IGF2R: variants seen among roughly 807,000 people sequenced by gnomAD.
The protein encoded by IGF2R is insulin like growth factor 2 receptor.
A neutral mutation model predicts 270.6 loss-of-function variants in IGF2R; 91 were observed. The ratio of observed to expected loss-of-function variants is 0.34; its 90% CI spans 0.28 to 0.40. IGF2R has a LOEUF of 0.40. Among genes scored for constraint, IGF2R ranks in the 10% least tolerant of loss-of-function variants. The pLI is 1.00. For synonymous variants in IGF2R, 1,316 were observed against 1,258.9 expected (o/e 1.05, Z -0.96); for missense variants, 2,805 against 3,188.3 (o/e 0.88, Z 2.90).
Position 160,061,579 on chromosome 6 carries a change from C to T in IGF2R, c.3339C>T (p.Val1113=), listed in dbSNP as rs754427180. 49 of 1,613,896 alleles carry T rather than the reference C, an allele frequency of 3.0e-5. No homozygotes were observed. The highest frequency in any genetic ancestry group is 2.2e-4 in the South Asian group (20 of 91,086). ...RKPWTAVDTS[V]DGRKRTFYLS... is the part of the protein sequence containing the mutation. ...CTTGGACGGCTGTTGACACCTCTGTCGATGGGAGAAAGAGGACTTTCTATT... is the reference window on the plus strand; with the variant it reads ...CTTGGACGGCTGTTGACACCTCTGTTGATGGGAGAAAGAGGACTTTCTATT... The change falls in exon 24 of 48, where the codon GTC becomes GTT. Residue 1113 remains valine, a synonymous_variant. Coordinates refer to ENST00000356956, the MANE Select transcript of IGF2R (RefSeq NM_000876.4).
At position 160,102,411 on chromosome 6, in the gene IGF2R, G is replaced by A; in HGVS notation, c.6843-108G>A. On this transcript the variant is annotated intron_variant, in intron 45 of 47. Coordinates refer to ENST00000356956, the MANE Select transcript of IGF2R (RefSeq NM_000876.4). This position sits in a 1 kb window ranked among gnomAD's most constrained non-coding sequence, Gnocchi z 4.5. ...TGGGCAGGAGTAAGAATCACATGGT[G>A]TTGGGAAAGTCAGAGCTGCTCTTGC... The A allele has an allele frequency of 9.8e-6, 12 of 1,218,908 alleles. No individual in the cohort carries two copies. The highest frequency in any genetic ancestry group is 1.4e-5 in the Non-Finnish European group (12 of 848,778). 75.5% of individuals were successfully genotyped at this position (1,218,908 alleles called of 1,614,324 possible).
chr6:159,991,091 A>G, intron 1 of IGF2R, 93 bp from the exon 2 acceptor site: 2 of 1,198,608 alleles, frequency 1.7e-6, no homozygotes, highest in Non-Finnish European at 2.3e-6. Context: ...AGTTTGTGGC[A>G]GTTTTAAGCA....
rs1046360160 is a variant in IGF2R at position 159,998,020 on chromosome 6, C to G, written c.289+6697C>G. 1.3e-5 allele frequency among the ~76,000 whole-genome samples: 2 copies of G among 152,140 alleles called. No individual in the cohort carries two copies. The highest frequency in any genetic ancestry group is 2.9e-5 in the Non-Finnish European group (2 of 68,040). On this transcript the variant is annotated intron_variant, in intron 2 of 47. Coordinates refer to ENST00000356956, the MANE Select transcript of IGF2R (RefSeq NM_000876.4). This position sits in a 1 kb window ranked among gnomAD's most constrained non-coding sequence, Gnocchi z 4.1. ...GGGATTTGAGGCCTGGGATTGAGAT[C>G]TGAGAAAGCACTAGATTGTTGTGAA...
chr6:160,074,433 C>T (rs1243956941), intron 35 of IGF2R, among the ~76,000 whole-genome samples: 1 of 152,202 alleles, frequency 6.6e-6, no homozygotes, highest in East Asian at 1.9e-4. Context: ...GCCTTAAAAG[C>T]TTTGGTTTTA....
At chr6:159,991,960 T>C (rs1485528337) in intron 2 of IGF2R, among the ~76,000 whole-genome samples, 1 of 151,800 alleles carries the variant, frequency 6.6e-6, no homozygotes, top group Non-Finnish European at 1.5e-5. Flanking sequence ...TTACATAGAG[T>C]GGAGTCAGGG....
intron 22 of IGF2R, 61 bp downstream of exon 22, chr6:160,059,159 C>T (rs1778377525): frequency 2.1e-6 from 3 of 1,405,508 alleles, no homozygotes; most frequent in Non-Finnish European, 3.0e-6. Flanking sequence ...TGTGGCTGGC[C>T]ATGCACCTTC....
chr6:160,033,206 G>A (rs971679545), intron 9 of IGF2R, 99 bp downstream of exon 9: 16 of 775,440 alleles, frequency 2.1e-5, no homozygotes, highest in Non-Finnish European at 2.7e-5. Context: ...GTGCAATCTC[G>A]GTGCATTGCA....
At position 160,069,853 on chromosome 6, in the gene IGF2R, T is replaced by C. The variant is rs777896817; in HGVS notation, c.4253-15T>C. The C allele has an allele frequency of 1.2e-6, 2 of 1,611,198 alleles. No homozygotes were observed. Among genetic ancestry groups the C allele is most frequent in the Non-Finnish European group, 1.7e-6 (2 of 1,178,154 alleles). On this transcript the variant is annotated splice_polypyrimidine_tract_variant and intron_variant, in intron 30 of 47. Transcript: ENST00000356956. ...AGTCACTAAAGGCAACTCTTTCTTG[T>C]GTCTGGTGCTGCAGAGCCGTGCCCT...
intron 1 of IGF2R, among the ~76,000 whole-genome samples, chr6:159,982,595 G>A (rs999369854): frequency 1.3e-5 from 2 of 152,298 alleles, no homozygotes; most frequent in East Asian, 3.9e-4. Flanking sequence ...ATTCACACGT[G>A]CCTACTTTTA....
intron 22 of IGF2R, among the ~76,000 whole-genome samples, chr6:160,059,909 C>T (rs1245906366): frequency 6.6e-6 from 1 of 152,244 alleles, no homozygotes; most frequent in Non-Finnish European, 1.5e-5. Context: ...AGTATTTGTT[C>T]AATAAGCCAA....
At chr6:160,046,012 C>G (rs1284435597) in intron 14 of IGF2R, 130 bp downstream of exon 14, 3 of 708,388 alleles carry the variant, frequency 4.2e-6, no homozygotes, top group African/African-American at 3.7e-5. Context: ...GAACAAAATT[C>G]TGAACATCCG....
rs184823139 is a variant in IGF2R, at chr6:160,092,642, A to G, written c.6655+2539A>G. Among the ~76,000 whole-genome samples the G allele has an allele frequency of 2.2e-4, 34 of 152,282 alleles. 1 individual carries two copies. The East Asian group carries it at 6.2e-3, about 28-fold the overall frequency. ...CGGGAGGGCAGAGCTGTCTCTCATCAGGACGTGGAGCTGCTGGGCGGTTTG... is the reference window on the plus strand; with the variant it reads ...CGGGAGGGCAGAGCTGTCTCTCATCGGGACGTGGAGCTGCTGGGCGGTTTG... On this transcript the variant is annotated intron_variant, in intron 44 of 47. Transcript: ENST00000356956.
chr6:160,024,246 G>C (rs1777502175), intron 4 of IGF2R, among the ~76,000 whole-genome samples: 1 of 152,150 alleles, frequency 6.6e-6, no homozygotes, highest in African/African-American at 2.4e-5. Flanking sequence ...ATAGCTAGGG[G>C]AATGTAGGGA....
intron 29 of IGF2R, among the ~76,000 whole-genome samples, chr6:160,066,228 G>T (rs1246402011): frequency 6.6e-6 from 1 of 151,974 alleles, no homozygotes; most frequent in Non-Finnish European, 1.5e-5. Context: ...TGTTGGCCAG[G>T]CTGGTCTCGA....
chr6:160,061,229 T>G (rs1778432396), intron 23 of IGF2R, among the ~76,000 whole-genome samples: 1 of 152,192 alleles, frequency 6.6e-6, no homozygotes, highest in African/African-American at 2.4e-5. Flanking sequence ...CAGGCTGGCC[T>G]TGAACTCCTG....
intron 39 of IGF2R, 60 bp from the exon 40 acceptor site, chr6:160,083,890 C>T: frequency 1.8e-6 from 2 of 1,140,970 alleles, no homozygotes; most frequent in East Asian, 2.3e-5. Context: ...CTTATGTCTT[C>T]CCTTTCTGCA....
chr6:160,012,761 ATATTTTTTTTTTTT>A (rs1416269551), intron 4 of IGF2R, among the ~76,000 whole-genome samples: 4 of 72,598 alleles, frequency 5.5e-5, no homozygotes, highest in African/African-American at 2.0e-4. Flanking sequence ...ATATATATAT[ATATTTTTTTTTTTT>A]TTTGTTTGTT....
chr6:160,042,431 A>T (rs1036585149), intron 11 of IGF2R, among the ~76,000 whole-genome samples: 3 of 151,832 alleles, frequency 2.0e-5, no homozygotes, highest in Non-Finnish European at 1.5e-5. Context: ...TTATATCTTT[A>T]CCTCCTCCTT....
intron 7 of IGF2R, 125 bp downstream of exon 7, chr6:160,029,780 A>G: frequency 3.1e-6 from 2 of 654,900 alleles, no homozygotes; most frequent in Non-Finnish European, 5.5e-6. Flanking sequence ...TGACAGAGGC[A>G]CTGGTGGGTT....
Sources: gnomAD v4.1 joint callset for allele counts (sites outside exome capture counted in the v4.1 genomes callset) on GRCh38, gnomAD v4.1.1 for gene constraint, Gnocchi (gnomAD v3.1) non-coding constraint, MANE v1.5 for transcripts, NCBI Gene and HGNC (gene_info 2026-07-23, HGNC 2026-07-21) for gene names.